GET1: variants seen among roughly 807,000 people sequenced by gnomAD.
The protein encoded by GET1 is guided entry of tail-anchored proteins factor 1, also known as congenital heart disease 5 protein.
Under a neutral mutation model 22.6 loss-of-function variants are expected in GET1, and 20 were observed. The observed-to-expected ratio is 0.89, with a 90% confidence interval of 0.62 to 1.29. GET1 has a LOEUF of 1.29. Among genes scored for constraint, GET1 ranks in the 50% most tolerant of loss-of-function variants. GET1 has a pLI of 0.00. For missense variants in GET1, 209 were observed against 219.9 expected (o/e 0.95, Z 0.31); for synonymous variants, 92 against 83.8 (o/e 1.10, Z -0.53).
chr21:39,387,565 G>C (rs1178284894), intron 1 of GET1, among the ~76,000 whole-genome samples: 2 of 152,158 alleles, frequency 1.3e-5, no homozygotes, highest in Non-Finnish European at 2.9e-5. Context: ...GGCCAGGGCA[G>C]AGGCACCACA....
At chr21:39,406,356 G>A (rs780739817) in exon 5 of GET1, 1 of 1,614,180 alleles carries the variant, frequency 6.2e-7, no homozygotes. Flanking sequence ...GGCCTTTCGT[G>A]TAGGGAGCAG....
chr21:39,409,117 A>G (rs1412218139), downstream of GET1, among the ~76,000 whole-genome samples: 3 of 152,276 alleles, frequency 2.0e-5, no homozygotes, highest in African/African-American at 7.2e-5. This position sits in a 1 kb window ranked among gnomAD's most constrained non-coding sequence, Gnocchi z 4.2. Context: ...GGCCTTCATG[A>G]CGGAATTAGT....
At chr21:39,428,196 CATT>C (rs769930317) in intron 1 of GET1, 20 of 1,592,322 alleles carry the variant, frequency 1.3e-5, no homozygotes, top group Admixed American at 5.2e-5. Context: ...ATTTTAGAAA[CATT>C]ATACTTTTTC....
intron 1 of GET1, among the ~76,000 whole-genome samples, chr21:39,387,535 C>T (rs1406349571): frequency 6.6e-6 from 1 of 152,140 alleles, no homozygotes; most frequent in African/African-American, 2.4e-5. Flanking sequence ...ATAGCTCCTT[C>T]GGTTATAGTG....
At chr21:39,410,376 C>G, downstream of GET1, 1 of 1,455,336 alleles carries the variant, frequency 6.9e-7, no homozygotes, top group Non-Finnish European at 9.5e-7. Flanking sequence ...AACTATGGAA[C>G]AGGTAGATTA....
intron 1 of GET1, among the ~76,000 whole-genome samples, chr21:39,417,524 A>G (rs552867403): frequency 1.2e-4 from 19 of 152,200 alleles, no homozygotes; most frequent in African/African-American, 4.3e-4. Flanking sequence ...ATATATTTCT[A>G]TTGCTTCCTT....
intron 4 of GET1, chr21:39,405,740 CAA>C (rs1222019513): frequency 2.8e-5 from 16 of 566,548 alleles, no homozygotes; most frequent in Admixed American, 7.4e-5. Context: ...AGCAATCAAA[CAA>C]AAATTTAATT....
chr21:39,382,280 C>G (rs970738006), intron 1 of GET1, among the ~76,000 whole-genome samples: 2 of 152,148 alleles, frequency 1.3e-5, no homozygotes, highest in Non-Finnish European at 2.9e-5. Flanking sequence ...GTCTCAAACT[C>G]CTGACCTCAA....
chr21:39,407,628 G>C (rs2039314090), downstream of GET1, among the ~76,000 whole-genome samples: 1 of 152,138 alleles, frequency 6.6e-6, no homozygotes, highest in Non-Finnish European at 1.5e-5. Flanking sequence ...CAATGAGCTG[G>C]ATCCATGTGA....
intron 1 of GET1, among the ~76,000 whole-genome samples, chr21:39,388,980 C>A (rs1037105385): frequency 6.6e-6 from 1 of 152,192 alleles, no homozygotes; most frequent in Non-Finnish European, 1.5e-5. Flanking sequence ...ATTTCTCTGC[C>A]TATCTGTGGA....
chr21:39,418,663 C>T (rs1200581023), intron 1 of GET1, among the ~76,000 whole-genome samples: 1 of 152,012 alleles, frequency 6.6e-6, no homozygotes, highest in Non-Finnish European at 1.5e-5. Context: ...CCATGCCAAG[C>T]TAATTTTTGT....
chr21:39,409,936 T>A, downstream of GET1: 3 of 1,161,252 alleles, frequency 2.6e-6, no homozygotes, highest in Non-Finnish European at 1.3e-6. This position sits in a 1 kb window ranked among gnomAD's most constrained non-coding sequence, Gnocchi z 4.2. Context: ...ATTCACAATT[T>A]TAAAGAAATC....
intron 3 of GET1, 50 bp downstream of exon 3, chr21:39,391,886 C>T: frequency 6.3e-7 from 1 of 1,588,088 alleles, no homozygotes; most frequent in Non-Finnish European, 8.6e-7. Flanking sequence ...TGACCCCGGC[C>T]TCCAGAGCCG....
chr21:39,394,442 C>T (rs1450835818), intron 4 of GET1, among the ~76,000 whole-genome samples: 1 of 152,202 alleles, frequency 6.6e-6, no homozygotes, highest in African/African-American at 2.4e-5. Flanking sequence ...TGGCACATCA[C>T]ATGTTGTGCC....
chr21:39,390,042 G>GTTTT (rs553712185), intron 1 of GET1, among the ~76,000 whole-genome samples: 78 of 130,892 alleles, frequency 6.0e-4, no homozygotes, highest in African/African-American at 2.2e-3. Context: ...TTGAATATGA[G>GTTTT]TTTTTTTTTT....
chr21:39,387,136 T>C (rs866436439), intron 1 of GET1, among the ~76,000 whole-genome samples: 2 of 152,222 alleles, frequency 1.3e-5, no homozygotes, highest in African/African-American at 4.8e-5. Flanking sequence ...CTGGGATTAC[T>C]GCACTGCGCC....
chr21:39,416,496 T>G (rs987888968), intron 1 of GET1, among the ~76,000 whole-genome samples: 1 of 152,166 alleles, frequency 6.6e-6, no homozygotes, highest in Non-Finnish European at 1.5e-5. Context: ...CCTAGAATTT[T>G]TTTAGGGAGC....
rs1601644593 is a variant in GET1 at position 39,397,195 on chromosome 21, G to A, written c.*256G>A. 4.3e-6 allele frequency: 2 copies of A among 466,812 alleles called. No homozygotes were observed. The highest frequency in any genetic ancestry group is 7.6e-6 in the Non-Finnish European group (2 of 262,500). The allele number at this position is 466,812 out of a possible 1,614,324, so 28.9% of individuals were successfully genotyped here. A position where few individuals can be genotyped will look rare whatever the true frequency, so the allele number is the denominator to read the frequency against. ...ACACCGTCCTCGATCTGTACGAAAT[G>A]TGAAATGTTTAGGGACATCTCCATG... On this transcript the variant is annotated 3_prime_UTR_variant, in exon 5 of 5. Coordinates refer to ENST00000649170, the MANE Select transcript of GET1 (RefSeq NM_004627.6).
At chr21:39,410,627 G>C (rs184835260), downstream of GET1, among the ~76,000 whole-genome samples, 2 of 152,272 alleles carry the variant, frequency 1.3e-5, no homozygotes, top group East Asian at 3.9e-4. Context: ...TGGAGGACAA[G>C]GCTGTCCTTT....
Sources: gnomAD v4.1 joint callset for allele counts (sites outside exome capture counted in the v4.1 genomes callset) on GRCh38, gnomAD v4.1.1 for gene constraint, Gnocchi (gnomAD v3.1) non-coding constraint, MANE v1.5 for transcripts, NCBI Gene and HGNC (gene_info 2026-07-23, HGNC 2026-07-21) for gene names.